The following DAPP1 variants were observed in gnomAD, a reference collection of about 807,000 sequenced individuals.
DAPP1 encodes the protein dual adaptor of phosphotyrosine and 3-phosphoinositides 1.
A neutral mutation model predicts 41.5 loss-of-function variants in DAPP1; 20 were observed. That is an observed-to-expected ratio of 0.48 (90% CI 0.34 to 0.70). The LOEUF (loss-of-function observed/expected upper bound fraction) is 0.70. Among genes scored for constraint, DAPP1 ranks in the 30% least tolerant of loss-of-function variants. The pLI, the probability that DAPP1 is intolerant of heterozygous loss-of-function variation, is 0.01. For synonymous variants in DAPP1, 113 were observed against 116.2 expected, an observed-to-expected ratio of 0.97 and a Z score of 0.18; for missense variants, 233 against 333.4, an observed-to-expected ratio of 0.70 and a Z score of 2.35.
intron 1 of DAPP1, among the ~76,000 whole-genome samples, chr4:99,825,607 G>A (rs1722912143): frequency 6.6e-6 from 1 of 152,204 alleles, no homozygotes; most frequent in Admixed American, 6.5e-5. Context: ...ATTTAGAAAA[G>A]CAATTTTGAA....
intron 8 of DAPP1, 87 bp downstream of exon 8, chr4:99,866,208 T>C: frequency 1.3e-6 from 1 of 761,728 alleles, no homozygotes; most frequent in South Asian, 1.6e-5. Context: ...AGAGTCAGAC[T>C]AGACCCAAGA....
intron 3 of DAPP1, among the ~76,000 whole-genome samples, chr4:99,852,327 G>A (rs1213075916): frequency 6.6e-6 from 1 of 152,102 alleles, no homozygotes; most frequent in African/African-American, 2.4e-5. Flanking sequence ...TTAAAAGCAA[G>A]AAACCATAGC....
Position 99,853,383 on chromosome 4 carries a change from C to A in DAPP1, c.489+35C>A. The stretch of plus-strand genomic sequence containing the variant: ...CTTCAACGTGACCACAAGCTCTCTC[C>A]CTGTCTAAAATCAATCAAGTTCAAT... On this transcript the variant is annotated intron_variant, in intron 4 of 8. Transcript: ENST00000512369. 4 of 1,562,584 alleles carry A rather than the reference C, an allele frequency of 2.6e-6. No individual in the cohort carries two copies. In the South Asian group the frequency reaches 4.6e-5, roughly 18 times the overall value.
intron 1 of DAPP1, among the ~76,000 whole-genome samples, chr4:99,831,709 C>G (rs1723126081): frequency 6.6e-6 from 1 of 152,174 alleles, no homozygotes; most frequent in Non-Finnish European, 1.5e-5. Context: ...AACTTAGACC[C>G]TTATCAACAA....
At chr4:99,840,568 G>T in intron 3 of DAPP1, 146 bp downstream of exon 3, 1 of 1,018,114 alleles carries the variant, frequency 9.8e-7, no homozygotes, top group East Asian at 2.8e-5. Context: ...GTATAAAGTA[G>T]ATATTTTCTC....
chr4:99,864,099 C>A, intron 7 of DAPP1: 1 of 306,318 alleles, frequency 3.3e-6, no homozygotes. Context: ...TAGAGGATGC[C>A]ATTCACATCT....
rs1442531940 is a variant in DAPP1, at chr4:99,862,994, T to G, written c.538-16T>G. On this transcript the variant is annotated splice_polypyrimidine_tract_variant and intron_variant, in intron 5 of 8. Coordinates refer to ENST00000512369, the MANE Select transcript of DAPP1 (RefSeq NM_014395.3). Reference sequence around the variant, plus strand: ...TTGTGTGTCTGTGTGTTTGTGTGTGTGTGTGTTTTTCTCAGACCTGGAAAA... The same window carrying G: ...TTGTGTGTCTGTGTGTTTGTGTGTGGGTGTGTTTTTCTCAGACCTGGAAAA... 1.3e-6 allele frequency: 2 copies of G among 1,579,088 alleles called. No homozygotes were observed. Among genetic ancestry groups the G allele is most frequent in the Non-Finnish European group, 8.6e-7 (1 of 1,164,778 alleles).
chr4:99,816,837 G>A lies in DAPP1; in HGVS notation c.-77G>A. On this transcript the variant is annotated 5_prime_UTR_variant, in exon 1 of 9. Transcript: ENST00000512369. ...CCTTGGAGACTCAGAGCCATAGCAGGCTGCTGTCTCACAGAGCGAGAAGGT... is the reference window on the plus strand; with the variant it reads ...CCTTGGAGACTCAGAGCCATAGCAGACTGCTGTCTCACAGAGCGAGAAGGT... 7.7e-7 allele frequency: 1 copy of A among 1,297,744 alleles called. No homozygotes were observed. The highest frequency in any genetic ancestry group is 1.1e-6 in the Non-Finnish European group (1 of 934,566). 80.4% of individuals were successfully genotyped at this position (1,297,744 alleles called of 1,614,324 possible).
At chr4:99,851,697 C>T (rs578008361) in intron 3 of DAPP1, among the ~76,000 whole-genome samples, 16 of 151,536 alleles carry the variant, frequency 1.1e-4, no homozygotes, top group East Asian at 1.9e-4. Flanking sequence ...CCTGCCACCA[C>T]GCTCGGCTAA....
At chr4:99,831,524 A>G (rs1200658767) in intron 1 of DAPP1, among the ~76,000 whole-genome samples, 1 of 152,198 alleles carries the variant, frequency 6.6e-6, no homozygotes, top group Non-Finnish European at 1.5e-5. Flanking sequence ...CTCCATGTCG[A>G]TGGACATTTA....
At chr4:99,827,786 G>A (rs7663454) in intron 1 of DAPP1, among the ~76,000 whole-genome samples, 1 of 152,102 alleles carries the variant, frequency 6.6e-6, no homozygotes, top group Non-Finnish European at 1.5e-5. Context: ...AAGTTTGAAA[G>A]GTTTTCAGAT....
intron 7 of DAPP1, chr4:99,865,480 G>T (rs79140094): frequency 1.3e-5 from 2 of 152,116 alleles, no homozygotes; most frequent in African/African-American, 4.8e-5. Flanking sequence ...TAGTTTTATT[G>T]TCTCTTTTTA....
rs77143710 is a variant in DAPP1 at position 99,869,344 on chromosome 4, C to T, written c.*1159C>T. The stretch of plus-strand genomic sequence containing the variant: ...CACAGTTCATTGGCAGAATCTAACC[C>T]CTTCTGTTATCTTTTTTAATACTAT... On this transcript the variant is annotated 3_prime_UTR_variant, in exon 9 of 9. Coordinates refer to ENST00000512369, the MANE Select transcript of DAPP1 (RefSeq NM_014395.3). The T allele has an allele frequency of 1.8e-3, 278 of 152,170 alleles. 2 individuals carry two copies. Among genetic ancestry groups the T allele is most frequent in the African/African-American group, 6.2e-3 (258 of 41,512 alleles). 9.4% of individuals were successfully genotyped at this position (152,170 alleles called of 1,614,324 possible). A position where few individuals can be genotyped will look rare whatever the true frequency, so the allele number is the denominator to read the frequency against.
At chr4:99,830,726 C>T (rs917128130) in intron 1 of DAPP1, among the ~76,000 whole-genome samples, 3 of 152,170 alleles carry the variant, frequency 2.0e-5, no homozygotes, top group Middle Eastern at 3.2e-3. Context: ...GATCCAAACC[C>T]CACCAGACTT....
intron 2 of DAPP1, among the ~76,000 whole-genome samples, chr4:99,837,739 TTG>T (rs558962182): frequency 2.6e-5 from 4 of 152,186 alleles, no homozygotes; most frequent in Non-Finnish European, 5.9e-5. Flanking sequence ...ATTACATTTA[TTG>T]TGTGTTTTAT....
At chr4:99,839,354 TATATATAG>T (rs1280058082) in intron 2 of DAPP1, among the ~76,000 whole-genome samples, 9 of 138,992 alleles carry the variant, frequency 6.5e-5, no homozygotes, top group African/African-American at 2.5e-4. Context: ...GGCAGATATA[TATATATAG>T]ATATATATAG....
intron 1 of DAPP1, among the ~76,000 whole-genome samples, chr4:99,817,905 C>T (rs754302018): frequency 1.1e-4 from 17 of 152,184 alleles, no homozygotes; most frequent in Non-Finnish European, 1.8e-4. Flanking sequence ...CTTCATCTTA[C>T]AAAGGATGAA....
chr4:99,827,163 T>C (rs898882549), intron 1 of DAPP1, among the ~76,000 whole-genome samples: 3 of 152,148 alleles, frequency 2.0e-5, no homozygotes, highest in African/African-American at 7.2e-5. Flanking sequence ...TGAGGTTGTG[T>C]GTGGTCCATG....
chr4:99,844,001 T>C (rs1277405219), intron 3 of DAPP1: 2 of 152,260 alleles, frequency 1.3e-5, no homozygotes, highest in Non-Finnish European at 2.9e-5. Context: ...TTGTGTTGCA[T>C]GTATGCTCAG....
Sources: allele counts gnomAD v4.1 joint callset (sites outside exome capture counted in the v4.1 genomes callset), GRCh38; gene constraint gnomAD v4.1.1; transcripts MANE v1.5; gene names NCBI Gene and HGNC (gene_info 2026-07-23, HGNC 2026-07-21).